CNEP1R1: variants seen among roughly 807,000 people sequenced by gnomAD.
CNEP1R1 encodes the protein nuclear envelope phosphatase-regulatory subunit 1.
A neutral mutation model predicts 22.7 loss-of-function variants in CNEP1R1; 10 were observed. The ratio of observed to expected loss-of-function variants is 0.44; its 90% CI spans 0.27 to 0.75. The LOEUF is 0.75. Ranked by LOEUF, CNEP1R1 falls within the 30% of genes least tolerant of loss-of-function variation. The pLI, the probability that CNEP1R1 is intolerant of heterozygous loss-of-function variation, is 0.17. For synonymous variants in CNEP1R1, 53 were observed against 50.1 expected (o/e 1.06, Z -0.25); for missense variants, 73 against 151.5 (o/e 0.48, Z 2.72).
chr16:50,025,256 G>C lies in CNEP1R1; in HGVS notation c.-60G>C, dbSNP rs973863341. The stretch of plus-strand genomic sequence containing the variant: ...GGGAGTTGGCGCTGCGGGCCGGGCG[G>C]GGGCCGCGGAAGCTGCGATGCGGAC... On this transcript the variant is annotated 5_prime_UTR_variant, in exon 1 of 6. Transcript: ENST00000427478. The C allele has an allele frequency of 5.0e-5, 69 of 1,383,496 alleles. No individual in the cohort carries two copies. The highest frequency in any genetic ancestry group is 1.4e-4 in the Admixed American group (4 of 27,908). 85.7% of individuals were successfully genotyped at this position (1,383,496 alleles called of 1,614,324 possible).
chr16:50,034,041 G>A (rs1362055557), intron 4 of CNEP1R1, 61 bp from the exon 5 acceptor site: 19 of 1,308,772 alleles, frequency 1.5e-5, no homozygotes, highest in African/African-American at 8.8e-5. Flanking sequence ...TTGAGCCACC[G>A]CACCCGGCCT....
chr16:50,033,589 C>T lies in CNEP1R1; in HGVS notation c.281+83C>T, dbSNP rs191583869. On this transcript the variant is annotated intron_variant, in intron 4 of 5. Transcript: ENST00000427478. ...TGGTTAAAAGCTTACTCTTGCCGGGCGTGGTGGCTCACGCCTGTAATCCCA... is the reference window on the plus strand; with the variant it reads ...TGGTTAAAAGCTTACTCTTGCCGGGTGTGGTGGCTCACGCCTGTAATCCCA... 2.1e-4 allele frequency: 147 copies of T among 711,738 alleles called. 5 individuals are homozygous for T. The highest frequency in any genetic ancestry group is 2.0e-3 in the South Asian group (113 of 55,428). The allele number at this position is 711,738 out of a possible 1,614,324, so 44.1% of individuals were successfully genotyped here.
intron 3 of CNEP1R1, among the ~76,000 whole-genome samples, 169 bp downstream of exon 3, chr16:50,029,967 T>C (rs1283082547): frequency 6.6e-6 from 1 of 152,270 alleles, no homozygotes; most frequent in Non-Finnish European, 1.5e-5. Context: ...TTTGGCTGGC[T>C]ATTGTGAATT....
At chr16:50,030,617 G>A (rs552033702) in intron 3 of CNEP1R1, among the ~76,000 whole-genome samples, 2 of 152,234 alleles carry the variant, frequency 1.3e-5, no homozygotes, top group Admixed American at 6.5e-5. Flanking sequence ...TGGACCATGA[G>A]GTCAAAACCA....
intron 1 of CNEP1R1, chr16:50,025,566 C>T (rs2036173764): frequency 7.3e-7 from 1 of 1,369,910 alleles, no homozygotes. Flanking sequence ...TCCTCGCCAG[C>T]TTCTATTTTT....
At chr16:50,026,263 C>T in intron 1 of CNEP1R1, 133 bp from the exon 2 acceptor site, 1 of 635,648 alleles carries the variant, frequency 1.6e-6, no homozygotes. Flanking sequence ...TGCAGTGATA[C>T]ATGGAAGTTA....
intron 1 of CNEP1R1, chr16:50,025,640 C>T: frequency 6.2e-7 from 1 of 1,612,984 alleles, no homozygotes; most frequent in Non-Finnish European, 8.5e-7. Flanking sequence ...CATTTCATTT[C>T]ATTCTCACAG....
chr16:50,026,717 G>A, intron 2 of CNEP1R1: 1 of 415,358 alleles, frequency 2.4e-6, no homozygotes, highest in South Asian at 2.6e-5. Flanking sequence ...GCTCACGCCT[G>A]TAATCCCAGC....
intron 3 of CNEP1R1, among the ~76,000 whole-genome samples, chr16:50,031,217 A>G (rs2036228569): frequency 6.6e-6 from 1 of 152,242 alleles, no homozygotes; most frequent in Non-Finnish European, 1.5e-5. Flanking sequence ...AGAAAAGCCT[A>G]AGAGAAGGCT....
chr16:50,029,888 C>T (rs1336299532), intron 3 of CNEP1R1, 90 bp downstream of exon 3: 3 of 719,636 alleles, frequency 4.2e-6, no homozygotes, highest in Non-Finnish European at 7.3e-6. Flanking sequence ...TCAAACACTA[C>T]CTATTAACTA....
At chr16:50,033,757 G>A (rs566807774) in intron 4 of CNEP1R1, among the ~76,000 whole-genome samples, 4 of 151,456 alleles carry the variant, frequency 2.6e-5, no homozygotes, top group East Asian at 2.0e-4. Flanking sequence ...CCAGCTACTC[G>A]GGAGGCTGAG....
In CNEP1R1 at chr16:50,025,248, G is replaced by C; in HGVS notation, c.-68G>C. On this transcript the variant is annotated 5_prime_UTR_variant, in exon 1 of 6. Transcript: ENST00000427478. ...TTAGAGGTGGGAGTTGGCGCTGCGG[G>C]CCGGGCGGGGGCCGCGGAAGCTGCG... 2 of 1,374,986 alleles carry C rather than the reference G, an allele frequency of 1.5e-6. No individual in the cohort carries two copies. The highest frequency in any genetic ancestry group is 1.9e-6 in the Non-Finnish European group (2 of 1,067,162). The allele number at this position is 1,374,986 out of a possible 1,614,324, so 85.2% of individuals were successfully genotyped here. A position where few individuals can be genotyped will look rare whatever the true frequency, so the allele number is the denominator to read the frequency against.
At chr16:50,031,245 TG>T (rs1318539484) in intron 3 of CNEP1R1, among the ~76,000 whole-genome samples, 1 of 152,228 alleles carries the variant, frequency 6.6e-6, no homozygotes, top group African/African-American at 2.4e-5. Flanking sequence ...TCAGTCTCCA[TG>T]GCAATTCAGA....
intron 2 of CNEP1R1, among the ~76,000 whole-genome samples, chr16:50,028,666 T>TA (rs1350765906): frequency 6.6e-6 from 1 of 152,222 alleles, no homozygotes; most frequent in Non-Finnish European, 1.5e-5. Context: ...TCTTAGCACT[T>TA]ACTTGGTTAA....
At chr16:50,026,728 A>T in intron 2 of CNEP1R1, 1 of 379,792 alleles carries the variant, frequency 2.6e-6, no homozygotes. Flanking sequence ...TAATCCCAGC[A>T]CTTTAGGAAG....
At chr16:50,027,803 A>C (rs374183852) in intron 2 of CNEP1R1, among the ~76,000 whole-genome samples, 177 of 152,312 alleles carry the variant, frequency 1.2e-3, no homozygotes, top group African/African-American at 4.1e-3. Flanking sequence ...GAAAATTCAC[A>C]TTATTACTAT....
intron 3 of CNEP1R1, among the ~76,000 whole-genome samples, chr16:50,031,951 AAC>A: frequency 6.6e-6 from 1 of 152,324 alleles, no homozygotes; most frequent in African/African-American, 2.4e-5. Flanking sequence ...GGCCACACAC[AAC>A]AGAGCTGGCT....
At position 50,025,876 on chromosome 16, in the gene CNEP1R1, A is replaced by C. The variant is rs2036178142; in HGVS notation, c.26-520A>C. 8 of 601,112 alleles carry C rather than the reference A, an allele frequency of 1.3e-5. No individual in the cohort carries two copies. The South Asian group carries it at 1.6e-4, about 12-fold the overall frequency. 37.2% of individuals were successfully genotyped at this position (601,112 alleles called of 1,614,324 possible). On this transcript the variant is annotated intron_variant, in intron 1 of 5. Transcript: ENST00000427478. ...GGGGGCAAGGGGAATGTCTTTCCAC[A>C]CCCACTCGCTATCAGTGTCAAGAAG...
chr16:50,033,947 G>C (rs1158788445), intron 4 of CNEP1R1, among the ~76,000 whole-genome samples, 155 bp from the exon 5 acceptor site: 5 of 149,040 alleles, frequency 3.4e-5, no homozygotes, highest in Non-Finnish European at 7.4e-5. Flanking sequence ...GCAGTGGCGC[G>C]ATCTCGGATT....
Sources: gnomAD v4.1 joint callset for allele counts (sites outside exome capture counted in the v4.1 genomes callset) on GRCh38, gnomAD v4.1.1 for gene constraint, MANE v1.5 for transcripts, NCBI Gene and HGNC (gene_info 2026-07-23, HGNC 2026-07-21) for gene names.